Variants in TNIK observed in about 807,000 individuals in gnomAD.
TNIK encodes TRAF2 and NCK-interacting protein kinase.
Under a neutral mutation model 191.3 loss-of-function variants are expected in TNIK, and 49 were observed. The observed-to-expected ratio is 0.26, with a 90% CI of 0.20 to 0.32. The LOEUF is 0.32. Ranked by LOEUF, TNIK falls within the 10% of genes least tolerant of loss-of-function variation. The pLI, the probability that TNIK is intolerant of heterozygous loss-of-function variation, is 1.00. For missense variants in TNIK, 1,155 were observed against 1,702.3 expected (o/e 0.68, Z 5.66); for synonymous variants, 594 against 600.9 (o/e 0.99, Z 0.17).
chr3:171,067,210 G>A (rs1448930362), intron 30 of TNIK, among the ~76,000 whole-genome samples: 1 of 152,090 alleles, frequency 6.6e-6, no homozygotes, highest in African/African-American at 2.4e-5. Flanking sequence ...TGAGGAGAAT[G>A]TAAGCCAGCT....
At chr3:171,272,958 T>C (rs1408343769) in intron 2 of TNIK, among the ~76,000 whole-genome samples, 1 of 152,204 alleles carries the variant, frequency 6.6e-6, no homozygotes, top group African/African-American at 2.4e-5. Flanking sequence ...ATTCCAGTCT[T>C]CACAGATTGG....
chr3:171,397,610 T>C lies in TNIK; in HGVS notation c.58-27925A>G, dbSNP rs570933608. Reference sequence around the variant, plus strand: ...AGAGAAAATAAAACACCTCTTTGTATTGACAATCGAACTTACAAAATGACA... The same window carrying C: ...AGAGAAAATAAAACACCTCTTTGTACTGACAATCGAACTTACAAAATGACA... On this transcript the variant is annotated intron_variant, in intron 1 of 32. Transcript: ENST00000436636. Among the ~76,000 whole-genome samples the C allele has an allele frequency of 1.2e-4, 19 of 152,312 alleles. No homozygotes were observed. The South Asian group carries it at 3.9e-3, about 32-fold the overall frequency.
intron 1 of TNIK, among the ~76,000 whole-genome samples, chr3:171,400,094 G>A (rs983375809): frequency 1.3e-5 from 2 of 152,156 alleles, no homozygotes. Context: ...GACTCAGAGT[G>A]GACCCGGGAC....
chr3:171,069,025 C>T, intron 29 of TNIK, 28 bp from the exon 30 acceptor site: 1 of 1,595,392 alleles, frequency 6.3e-7, no homozygotes, highest in Admixed American at 1.8e-5. Flanking sequence ...TTAGTATCCG[C>T]ATCACTCAAA....
chr3:171,277,123 C>T (rs1282530404), intron 2 of TNIK, among the ~76,000 whole-genome samples: 3 of 152,184 alleles, frequency 2.0e-5, no homozygotes, highest in Non-Finnish European at 4.4e-5. Context: ...CCCTTCCCTT[C>T]TCTCCCTTGT....
At chr3:171,414,504 C>T (rs910127705) in intron 1 of TNIK, among the ~76,000 whole-genome samples, 3 of 152,188 alleles carry the variant, frequency 2.0e-5, no homozygotes, top group Non-Finnish European at 2.9e-5. Context: ...TTATAAAGCA[C>T]GTTCATACAC....
At chr3:171,333,857 C>T (rs1214561876) in intron 2 of TNIK, among the ~76,000 whole-genome samples, 1 of 152,230 alleles carries the variant, frequency 6.6e-6, no homozygotes, top group African/African-American at 2.4e-5. Context: ...GAGCGCCTCC[C>T]GCCAAAGGCA....
chr3:171,073,092 A>C (rs1604037), intron 28 of TNIK, among the ~76,000 whole-genome samples: 158 of 152,304 alleles, frequency 1.0e-3, no homozygotes, highest in African/African-American at 3.7e-3. Context: ...AAATAGCCAA[A>C]GCAATCCTAA....
intron 1 of TNIK, among the ~76,000 whole-genome samples, chr3:171,429,288 C>T (rs1725049220): frequency 6.6e-6 from 1 of 152,150 alleles, no homozygotes; most frequent in Non-Finnish European, 1.5e-5. Context: ...CTAGAGTCTC[C>T]CTCTGCCCTC....
At chr3:171,227,490 T>C (rs1743096071) in intron 3 of TNIK, among the ~76,000 whole-genome samples, 1 of 152,198 alleles carries the variant, frequency 6.6e-6, no homozygotes, top group Non-Finnish European at 1.5e-5. Context: ...TATTATTCAT[T>C]TAATACCTTC....
intron 12 of TNIK, among the ~76,000 whole-genome samples, chr3:171,146,392 A>G (rs1474993562): frequency 2.0e-5 from 3 of 152,202 alleles, no homozygotes; most frequent in Non-Finnish European, 4.4e-5. Context: ...TTTTATATAC[A>G]TCATATTTCC....
intron 4 of TNIK, among the ~76,000 whole-genome samples, chr3:171,206,794 G>A (rs1457031739): frequency 2.0e-5 from 3 of 151,956 alleles, no homozygotes; most frequent in African/African-American, 4.8e-5. Flanking sequence ...GCAAAAGGGC[G>A]AAAAAGAGTC....
At chr3:171,064,645 G>A (rs183032215) in intron 32 of TNIK, among the ~76,000 whole-genome samples, 1 of 152,284 alleles carries the variant, frequency 6.6e-6, no homozygotes, top group Non-Finnish European at 1.5e-5. Flanking sequence ...AGTCTGTTAA[G>A]TCATTTTATC....
chr3:171,112,451 AAAC>A (rs1167652733), intron 18 of TNIK, among the ~76,000 whole-genome samples: 2 of 150,494 alleles, frequency 1.3e-5, no homozygotes, highest in African/African-American at 5.0e-5. Flanking sequence ...GCTTTCTTAC[AAAC>A]ATTTTTTTCT....
intron 30 of TNIK, among the ~76,000 whole-genome samples, chr3:171,068,407 C>T (rs1718739981): frequency 6.6e-6 from 1 of 152,136 alleles, no homozygotes; most frequent in Admixed American, 6.5e-5. Context: ...CAGTGTACCA[C>T]ACTGCCCTCA....
intron 18 of TNIK, among the ~76,000 whole-genome samples, chr3:171,123,056 T>G (rs1727968058): frequency 6.6e-6 from 1 of 152,230 alleles, no homozygotes; most frequent in African/African-American, 2.4e-5. Context: ...TTCAGTGACC[T>G]TTGTAATGCC....
chr3:171,399,202 G>A (rs1211052543), intron 1 of TNIK, among the ~76,000 whole-genome samples: 1 of 152,204 alleles, frequency 6.6e-6, no homozygotes, highest in African/African-American at 2.4e-5. Flanking sequence ...AAGCATATGT[G>A]CTCAATTTCA....
rs551581602 is a variant in TNIK, at chr3:171,212,783, GC to G, written c.181-1543del. On this transcript the variant is annotated intron_variant, in intron 3 of 32. Transcript: ENST00000436636. ...TACAAAGAGCCCAATGCCCAGAGCA[GC>G]ATTAGTGATGTTAGAAGGAACAGGT... 1.2e-4 allele frequency among the ~76,000 whole-genome samples: 19 copies of G among 152,308 alleles called. No individual in the cohort carries two copies. The East Asian group carries it at 3.3e-3, about 26-fold the overall frequency.
At chr3:171,279,252 A>G (rs1404315806) in intron 2 of TNIK, among the ~76,000 whole-genome samples, 1 of 152,162 alleles carries the variant, frequency 6.6e-6, no homozygotes, top group Non-Finnish European at 1.5e-5. Context: ...ACATATTTTT[A>G]ATGAGATCCT....
Sources: gnomAD v4.1 joint callset for allele counts (sites outside exome capture counted in the v4.1 genomes callset) on GRCh38, gnomAD v4.1.1 for gene constraint, MANE v1.5 for transcripts, NCBI Gene and HGNC (gene_info 2026-07-23, HGNC 2026-07-21) for gene names.